Variants in SHE observed in about 807,000 individuals in gnomAD.
SHE encodes SH2 domain-containing adapter protein E.
Under a neutral mutation model 49.8 loss-of-function variants are expected in SHE, and 11 were observed. The ratio of observed to expected loss-of-function variants is 0.22; its 90% CI spans 0.14 to 0.37. SHE has a LOEUF of 0.37. SHE is among the 10% of genes least tolerant of loss of function. SHE has a pLI of 1.00. For synonymous variants in SHE, 310 were observed against 278.1 expected, an observed-to-expected ratio of 1.11 and a Z score of -1.14; for missense variants, 624 against 655.5, an observed-to-expected ratio of 0.95 and a Z score of 0.52.
chr1:154,489,057 G>A lies in SHE; in HGVS notation c.1018C>T (p.Leu340=). ...EWKKEQIVRA[L]SVQFEGAERP... is the part of the protein sequence containing the mutation. ...CCTGGCCTGGCGCCCTCACCTGACA[G>A]AGCCCGCACGATCTGCTCCTTCTTC... The change falls in exon 3 of 6, where the codon CTG becomes TTG. Residue 340 remains leucine (L), a synonymous_variant. Coordinates refer to ENST00000304760, the MANE Select transcript of SHE (RefSeq NM_001010846.3). 6.4e-7 allele frequency: 1 copy of A among 1,569,898 alleles called. No individual in the cohort carries two copies. The highest frequency in any genetic ancestry group is 2.0e-4 in the Middle Eastern group (1 of 4,964).
downstream of SHE, among the ~76,000 whole-genome samples, chr1:154,474,502 T>TTTAC (rs1691828822): frequency 2.0e-5 from 3 of 152,076 alleles, no homozygotes; most frequent in Non-Finnish European, 2.9e-5. Flanking sequence ...CAAATTGTGC[T>TTTAC]TTATTTATTT....
rs1692015639 is a variant in SHE at position 154,481,434 on chromosome 1, G to T, written c.*2715C>A. 4 of 985,386 alleles carry T rather than the reference G, an allele frequency of 4.1e-6. No homozygotes were observed. The highest frequency in any genetic ancestry group is 4.8e-6 in the Non-Finnish European group (4 of 829,920). 61.0% of individuals were successfully genotyped at this position (985,386 alleles called of 1,614,324 possible). On this transcript the variant is annotated 3_prime_UTR_variant, in exon 6 of 6. Coordinates refer to ENST00000304760, the MANE Select transcript of SHE (RefSeq NM_001010846.3). ...AGAATATAGTATGACTTGTCACAGA[G>T]AAACAGTATAGAAGAAGCATAATAC...
Position 154,482,847 on chromosome 1 carries a change from G to A in SHE, c.*1302C>T, listed in dbSNP as rs1184933840. 1.0e-6 allele frequency: 1 copy of A among 985,300 alleles called. No homozygotes were observed. Among genetic ancestry groups the A allele is most frequent in the Non-Finnish European group, 1.2e-6 (1 of 829,936 alleles). The allele number at this position is 985,300 out of a possible 1,614,324, so 61.0% of individuals were successfully genotyped here. On this transcript the variant is annotated 3_prime_UTR_variant, in exon 6 of 6. Transcript: ENST00000304760. ...AGGCAGTCTGCTTGGTACAGAACGA[G>A]AGAATCTTTGTAGGCTTTAGAGACC...
At chr1:154,488,930 T>C (rs1692270429) in intron 3 of SHE, 121 bp downstream of exon 3, 4 of 1,311,644 alleles carry the variant, frequency 3.0e-6, no homozygotes, top group Non-Finnish European at 4.1e-6. Flanking sequence ...TCCAAAACAG[T>C]TGCACATTGA....
At chr1:154,476,844 A>T (rs1691888311), downstream of SHE, among the ~76,000 whole-genome samples, 1 of 152,170 alleles carries the variant, frequency 6.6e-6, no homozygotes, top group Non-Finnish European at 1.5e-5. Context: ...AAATTAGTAA[A>T]CCTGTTTATT....
chr1:154,475,120 G>A (rs969918275), downstream of SHE, among the ~76,000 whole-genome samples: 5 of 152,168 alleles, frequency 3.3e-5, no homozygotes, highest in Non-Finnish European at 7.4e-5. Flanking sequence ...ACAGGGGAGG[G>A]CTGAGGGCAG....
chr1:154,493,270 C>A (rs764760699), intron 2 of SHE, among the ~76,000 whole-genome samples: 3 of 152,320 alleles, frequency 2.0e-5, no homozygotes, highest in South Asian at 2.1e-4. Flanking sequence ...CCCCACACCA[C>A]CCCCCTCTTC....
rs1227779357 is a variant in SHE, at chr1:154,480,292, A to G, written c.*3857T>C. 1 of 985,320 alleles carries G rather than the reference A, an allele frequency of 1.0e-6. No individual in the cohort carries two copies. The highest frequency in any genetic ancestry group is 1.7e-5 in the African/African-American group (1 of 57,230). The allele number at this position is 985,320 out of a possible 1,614,324, so 61.0% of individuals were successfully genotyped here. A position where few individuals can be genotyped will look rare whatever the true frequency, so the allele number is the denominator to read the frequency against. On this transcript the variant is annotated 3_prime_UTR_variant, in exon 6 of 6. Transcript: ENST00000304760. Reference sequence around the variant, plus strand: ...TGCGGGGAAGGGAAATGAAATCGACATCACTGCACTCCCTAAACCCTGGAA... The same window carrying G: ...TGCGGGGAAGGGAAATGAAATCGACGTCACTGCACTCCCTAAACCCTGGAA...
chr1:154,496,607 C>T (rs1344305110), intron 2 of SHE, among the ~76,000 whole-genome samples: 3 of 152,238 alleles, frequency 2.0e-5, no homozygotes, highest in East Asian at 1.9e-4. Flanking sequence ...GTGGGAGATC[C>T]GGGTGCTAAT....
At position 154,479,715 on chromosome 1, in the gene SHE, A is replaced by G. The variant is rs1374110246; in HGVS notation, c.*4434T>C. 4.1e-6 allele frequency: 4 copies of G among 985,158 alleles called. No individual in the cohort carries two copies. The African/African-American group carries it at 7.0e-5, about 17-fold the overall frequency. 61.0% of individuals were successfully genotyped at this position (985,158 alleles called of 1,614,324 possible). A position where few individuals can be genotyped will look rare whatever the true frequency, so the allele number is the denominator to read the frequency against. Reference sequence around the variant, plus strand: ...AAATATTAAAGCCCCTGACAAACTGAACGGCTAAGAACTTGACAAAATGAG... The same window carrying G: ...AAATATTAAAGCCCCTGACAAACTGGACGGCTAAGAACTTGACAAAATGAG... On this transcript the variant is annotated 3_prime_UTR_variant, in exon 6 of 6. Transcript: ENST00000304760.
At position 154,483,318 on chromosome 1, in the gene SHE, C is replaced by T. The variant is rs1032457336; in HGVS notation, c.*831G>A. Reference sequence around the variant, plus strand: ...CTCTGAAGTTGCGGATTTCCATGAACTCCAGAGCTGAATTAGGACTTCTGA... The same window carrying T: ...CTCTGAAGTTGCGGATTTCCATGAATTCCAGAGCTGAATTAGGACTTCTGA... On this transcript the variant is annotated 3_prime_UTR_variant, in exon 6 of 6. Coordinates refer to ENST00000304760, the MANE Select transcript of SHE (RefSeq NM_001010846.3). 1.0e-6 allele frequency: 1 copy of T among 985,284 alleles called. No individual in the cohort carries two copies. The highest frequency in any genetic ancestry group is 1.7e-5 in the African/African-American group (1 of 57,212). 61.0% of individuals were successfully genotyped at this position (985,284 alleles called of 1,614,324 possible).
chr1:154,501,614 G>A lies in SHE; in HGVS notation c.413C>T (p.Ser138Leu), dbSNP rs1295436621. ...EEPHRGATKS[S>L]GCSTYINRLI... ...CCTGTTGATGTAGGTGCTGCAGCCC[G>A]AGCTCTTGGTTGCACCCCGGTGGGG... The change falls in exon 1 of 6, where the codon TCG becomes TTG. Residue 138 changes from serine (S) to leucine (L), a missense_variant. Ser to Leu is a moderately radical substitution (Grantham distance 145). Coordinates refer to ENST00000304760, the MANE Select transcript of SHE (RefSeq NM_001010846.3). The A allele has an allele frequency of 1.2e-6, 2 of 1,614,158 alleles. No homozygotes were observed. Among genetic ancestry groups the A allele is most frequent in the Middle Eastern group, 1.6e-4 (1 of 6,062 alleles).
In SHE at chr1:154,499,257, G is replaced by C. The variant is rs979382861; in HGVS notation, c.592-19C>G. ...TGATGACCTGAAAAAGAACAAGAGA[G>C]GACAGTTGCTAAGGGCCACCGTATA... On this transcript the variant is annotated intron_variant, in intron 1 of 5. Coordinates refer to ENST00000304760, the MANE Select transcript of SHE (RefSeq NM_001010846.3). 1 of 1,608,652 alleles carries C rather than the reference G, an allele frequency of 6.2e-7. No individual in the cohort carries two copies. The highest frequency in any genetic ancestry group is 2.2e-5 in the East Asian group (1 of 44,804).
In SHE at chr1:154,484,038, G is replaced by A. The variant is rs925153754; in HGVS notation, c.*111C>T. ...AATCACTCTCTGACTTTTCAAGGAA[G>A]ACTCCCATTTTCTAGCAGTTGCTAG... On this transcript the variant is annotated 3_prime_UTR_variant, in exon 6 of 6. Transcript: ENST00000304760. 299 of 1,463,180 alleles carry A rather than the reference G, an allele frequency of 2.0e-4. No individual in the cohort carries two copies. The highest frequency in any genetic ancestry group is 1.3e-3 in the Middle Eastern group (5 of 3,940). The allele number at this position is 1,463,180 out of a possible 1,614,324, so 90.6% of individuals were successfully genotyped here.
rs915945618 is a variant in SHE at position 154,481,192 on chromosome 1, G to A, written c.*2957C>T. 1 of 985,272 alleles carries A rather than the reference G, an allele frequency of 1.0e-6. No homozygotes were observed. Among genetic ancestry groups the A allele is most frequent in the African/African-American group, 1.7e-5 (1 of 57,214 alleles). The allele number at this position is 985,272 out of a possible 1,614,324, so 61.0% of individuals were successfully genotyped here. On this transcript the variant is annotated 3_prime_UTR_variant, in exon 6 of 6. Transcript: ENST00000304760. ...TAGGGACACCCTGCTGGGCCTAATT[G>A]TTTTTAGAACATATGGAACTTTGTG...
chr1:154,491,543 C>T (rs554744122), intron 2 of SHE, among the ~76,000 whole-genome samples: 1 of 152,368 alleles, frequency 6.6e-6, no homozygotes, highest in South Asian at 2.1e-4. Context: ...TGGACCAACG[C>T]ACTCTCACCC....
Position 154,493,130 on chromosome 1 carries a change from A to C in SHE, c.719-3774T>G, listed in dbSNP as rs2149295921. Among the ~76,000 whole-genome samples, 3 of 152,334 alleles carry C rather than the reference A, an allele frequency of 2.0e-5. 1 individual carries two copies. The highest frequency in any genetic ancestry group is 6.8e-3 in the Middle Eastern group (2 of 294). On this transcript the variant is annotated intron_variant, in intron 2 of 5. Coordinates refer to ENST00000304760, the MANE Select transcript of SHE (RefSeq NM_001010846.3). Reference sequence around the variant, plus strand: ...CTCCCCACACTTAGAGTTCTGGGAGATACACAAAGCATGGAGTTGAGAATG... The same window carrying C: ...CTCCCCACACTTAGAGTTCTGGGAGCTACACAAAGCATGGAGTTGAGAATG...
In SHE at chr1:154,483,891, G is replaced by T; in HGVS notation, c.*258C>A. On this transcript the variant is annotated 3_prime_UTR_variant, in exon 6 of 6. Transcript: ENST00000304760. ...TGCGAACCTATAGTCCCACCTACTTGGGAGGCTGATGGGGAAGAACTGCTT... is the reference window on the plus strand; with the variant it reads ...TGCGAACCTATAGTCCCACCTACTTTGGAGGCTGATGGGGAAGAACTGCTT... 1.8e-6 allele frequency: 2 copies of T among 1,089,536 alleles called. No homozygotes were observed. The highest frequency in any genetic ancestry group is 2.8e-5 in the South Asian group (1 of 36,310). 67.5% of individuals were successfully genotyped at this position (1,089,536 alleles called of 1,614,324 possible). A position where few individuals can be genotyped will look rare whatever the true frequency, so the allele number is the denominator to read the frequency against.
rs541936832 is a variant in SHE at position 154,494,766 on chromosome 1, G to A, written c.718+4346C>T. The stretch of plus-strand genomic sequence containing the variant: ...TTTCCTCAACTGTATAAAGAAACCC[G>A]CTTGCACGGTGGCTCACTTTGTGGC... On this transcript the variant is annotated intron_variant, in intron 2 of 5. Coordinates refer to ENST00000304760, the MANE Select transcript of SHE (RefSeq NM_001010846.3). 9.9e-5 allele frequency among the ~76,000 whole-genome samples: 15 copies of A among 152,206 alleles called. No individual in the cohort carries two copies. In the South Asian group the frequency reaches 2.5e-3, roughly 25 times the overall value.
Sources: allele counts gnomAD v4.1 joint callset (sites outside exome capture counted in the v4.1 genomes callset), GRCh38; gene constraint gnomAD v4.1.1; transcripts MANE v1.5; gene names NCBI Gene and HGNC (gene_info 2026-07-23, HGNC 2026-07-21).